PRR16: variants seen among roughly 807,000 people sequenced by gnomAD.
The protein encoded by PRR16 is proline rich 16.
A neutral mutation model predicts 18.2 loss-of-function variants in PRR16; 6 were observed. The observed-to-expected ratio is 0.33, with a 90% confidence interval of 0.18 to 0.65. The LOEUF is 0.65. Ranked by LOEUF, PRR16 falls within the 30% of genes least tolerant of loss-of-function variation. The pLI, the probability that PRR16 is intolerant of heterozygous loss-of-function variation, is 0.74. For synonymous variants in PRR16, 151 were observed against 147.8 expected (o/e 1.02, Z -0.16); for missense variants, 412 against 376.6 (o/e 1.09, Z -0.78).
At chr5:120,467,093 G>GA (rs1460251730) in intron 1 of PRR16, among the ~76,000 whole-genome samples, 2 of 152,152 alleles carry the variant, frequency 1.3e-5, no homozygotes, top group African/African-American at 4.8e-5. Context: ...ATATGTGAGT[G>GA]AACATGTCTT....
At chr5:120,585,972 G>A (rs901625878) in intron 1 of PRR16, among the ~76,000 whole-genome samples, 3 of 151,820 alleles carry the variant, frequency 2.0e-5, no homozygotes, top group African/African-American at 7.3e-5. Flanking sequence ...TCAAGTGATC[G>A]AGACCATCCT....
chr5:120,641,908 A>T (rs1755436335), intron 1 of PRR16, among the ~76,000 whole-genome samples: 1 of 152,022 alleles, frequency 6.6e-6, no homozygotes, highest in African/African-American at 2.4e-5. Context: ...AGTCCATCTG[A>T]TTCTCCACTG....
At chr5:120,561,496 A>T (rs1053832874) in intron 1 of PRR16, among the ~76,000 whole-genome samples, 1 of 152,058 alleles carries the variant, frequency 6.6e-6, no homozygotes, top group African/African-American at 2.4e-5. Context: ...TAGTATTTCA[A>T]TTTTTTGAAT....
downstream of PRR16, among the ~76,000 whole-genome samples, chr5:120,687,987 G>T (rs1580885014): frequency 6.6e-6 from 1 of 152,286 alleles, no homozygotes; most frequent in East Asian, 1.9e-4. Context: ...AACAAAATTG[G>T]TTCATTAGTG....
chr5:120,785,978 A>T, the PRR16 span, among the ~76,000 whole-genome samples: 2 of 83,516 alleles, frequency 2.4e-5, no homozygotes, highest in Admixed American at 2.5e-4. Context: ...GTCATTCTTT[A>T]AAAAAAAAAG....
intron 1 of PRR16, among the ~76,000 whole-genome samples, chr5:120,591,273 C>T (rs75374127): frequency 0.059 from 8,922 of 151,726 alleles, 363 homozygotes; most frequent in South Asian, 0.084. Context: ...TGCGAGACAC[C>T]ATCTCCAAAA....
chr5:120,770,402 C>T, the PRR16 span, among the ~76,000 whole-genome samples: 1 of 152,024 alleles, frequency 6.6e-6, no homozygotes. Flanking sequence ...CCTTGCCTTA[C>T]ATTATACAGA....
chr5:120,707,280 G>A, the PRR16 span, among the ~76,000 whole-genome samples: 16 of 152,244 alleles, frequency 1.1e-4, no homozygotes, highest in South Asian at 6.2e-4. Context: ...GCTATTACAT[G>A]ATGGAGTAGA....
At chr5:120,682,137 CA>C (rs1756992118) in intron 1 of PRR16, among the ~76,000 whole-genome samples, 1 of 152,158 alleles carries the variant, frequency 6.6e-6, no homozygotes, top group African/African-American at 2.4e-5. Context: ...GCCCTTGAGC[CA>C]AAACAGTCTT....
At chr5:120,750,383 GCGC>G in the PRR16 span, among the ~76,000 whole-genome samples, 1 of 152,012 alleles carries the variant, frequency 6.6e-6, no homozygotes, top group Non-Finnish European at 1.5e-5. Context: ...TCAGAGTCAG[GCGC>G]GGTGGCTCAC....
chr5:120,761,569 T>C, the PRR16 span, among the ~76,000 whole-genome samples: 2 of 152,092 alleles, frequency 1.3e-5, no homozygotes, highest in Non-Finnish European at 2.9e-5. Flanking sequence ...AAAATCAAGG[T>C]ATATTTTGTT....
chr5:120,704,363 T>C, the PRR16 span, among the ~76,000 whole-genome samples: 2 of 152,268 alleles, frequency 1.3e-5, no homozygotes, highest in Non-Finnish European at 2.9e-5. Flanking sequence ...TTTTCCCTCC[T>C]TTCCTGGCCT....
intron 1 of PRR16, among the ~76,000 whole-genome samples, chr5:120,540,467 A>G (rs779382118): frequency 2.1e-4 from 32 of 152,288 alleles, no homozygotes; most frequent in Non-Finnish European, 4.1e-4. Context: ...TCTCTTAACC[A>G]GGTTCATTTT....
chr5:120,777,550 G>C, the PRR16 span, among the ~76,000 whole-genome samples: 2 of 148,550 alleles, frequency 1.3e-5, no homozygotes, highest in African/African-American at 4.9e-5. Context: ...GTCCTTTATG[G>C]TTTATTATGA....
At chr5:120,654,017 C>G (rs1755880643) in intron 1 of PRR16, among the ~76,000 whole-genome samples, 2 of 152,032 alleles carry the variant, frequency 1.3e-5, no homozygotes, top group African/African-American at 4.8e-5. Context: ...AATGACCACC[C>G]TGTCCCAAAA....
At chr5:120,780,481 C>T in the PRR16 span, among the ~76,000 whole-genome samples, 2 of 152,070 alleles carry the variant, frequency 1.3e-5, no homozygotes, top group Non-Finnish European at 2.9e-5. Flanking sequence ...ATAATATTTT[C>T]AACTTGGATC....
At chr5:120,754,850 C>G in the PRR16 span, among the ~76,000 whole-genome samples, 1 of 150,692 alleles carries the variant, frequency 6.6e-6, no homozygotes, top group Non-Finnish European at 1.5e-5. Context: ...ATCAAAACCT[C>G]GTAGTTCAAT....
At chr5:120,703,871 A>G in the PRR16 span, among the ~76,000 whole-genome samples, 1 of 152,240 alleles carries the variant, frequency 6.6e-6, no homozygotes, top group Non-Finnish European at 1.5e-5. Context: ...TTTAAGGCCC[A>G]CATAAATAGC....
the PRR16 span, among the ~76,000 whole-genome samples, chr5:120,721,966 T>C: frequency 6.6e-6 from 1 of 152,104 alleles, no homozygotes; most frequent in African/African-American, 2.4e-5. Flanking sequence ...CATGCTTTGC[T>C]GCACCCATTA....
Sources: gnomAD v4.1 joint callset for allele counts (sites outside exome capture counted in the v4.1 genomes callset) on GRCh38, gnomAD v4.1.1 for gene constraint, MANE v1.5 for transcripts, NCBI Gene and HGNC (gene_info 2026-07-23, HGNC 2026-07-21) for gene names.